Variants in GABRB2 observed in about 807,000 individuals in gnomAD.
The protein encoded by GABRB2 is gamma-aminobutyric acid receptor subunit beta-2.
In GABRB2, 16 loss-of-function variants were observed where a neutral mutation model predicts 54.7. The observed-to-expected ratio is 0.29, with a 90% CI of 0.20 to 0.44. GABRB2 has a LOEUF of 0.44. Among genes scored for constraint, GABRB2 ranks in the 20% least tolerant of loss-of-function variants. GABRB2 has a pLI of 1.00. For synonymous variants in GABRB2, 244 were observed against 233.8 expected, an observed-to-expected ratio of 1.04 and a Z score of -0.40; for missense variants, 355 against 644.0, an observed-to-expected ratio of 0.55 and a Z score of 4.86.
chr5:161,332,572 A>G (rs1252192779), intron 7 of GABRB2, among the ~76,000 whole-genome samples: 1 of 152,198 alleles, frequency 6.6e-6, no homozygotes, highest in Non-Finnish European at 1.5e-5. Context: ...TGAATATGAT[A>G]AAGTCCAGCT....
intron 9 of GABRB2, among the ~76,000 whole-genome samples, chr5:161,312,549 C>T (rs187012640): frequency 1.8e-4 from 28 of 152,206 alleles, no homozygotes; most frequent in Non-Finnish European, 2.4e-4. Context: ...CAAAAAATAC[C>T]TGGATTCAAA....
In GABRB2 at chr5:161,532,282, G is replaced by A. The variant is rs1010777011; in HGVS notation, c.237+12945C>T. On this transcript the variant is annotated intron_variant, in intron 3 of 9. Transcript: ENST00000393959. ...TGTGTGTATATGTATGCGTGTGTCTGTATTACCCACTCAGTCAGTCCACTT... is the reference window on the plus strand; with the variant it reads ...TGTGTGTATATGTATGCGTGTGTCTATATTACCCACTCAGTCAGTCCACTT... 9.2e-5 allele frequency among the ~76,000 whole-genome samples: 14 copies of A among 152,174 alleles called. 1 individual carries two copies. Among genetic ancestry groups the A allele is most frequent in the African/African-American group, 3.1e-4 (13 of 41,532 alleles).
At position 161,406,245 on chromosome 5, in the gene GABRB2, A is replaced by G. The variant is rs1319565803; in HGVS notation, c.541+4730T>C. ...CCATCTTTGGATTTTGAAGCTAGCT[A>G]TTAATTATTTTCCCTACAAAGTAAA... On this transcript the variant is annotated intron_variant, in intron 5 of 9. Coordinates refer to ENST00000393959, the MANE Select transcript of GABRB2 (RefSeq NM_001371727.1). 4.7e-4 allele frequency among the ~76,000 whole-genome samples: 71 copies of G among 152,132 alleles called. 2 individuals are homozygous for G. The highest frequency in any genetic ancestry group is 4.7e-3 in the Admixed American group (71 of 15,244).
chr5:161,511,784 G>A (rs1759776659), intron 3 of GABRB2, among the ~76,000 whole-genome samples: 1 of 151,994 alleles, frequency 6.6e-6, no homozygotes, highest in East Asian at 1.9e-4. Context: ...TCTTCATATT[G>A]TCTTCCCATT....
intron 5 of GABRB2, among the ~76,000 whole-genome samples, chr5:161,367,056 T>C (rs1754992425): frequency 6.6e-6 from 1 of 152,194 alleles, no homozygotes; most frequent in African/African-American, 2.4e-5. Context: ...AATTCAGATA[T>C]TGCTCTAAGA....
intron 8 of GABRB2, chr5:161,329,626 A>G (rs1261992623): frequency 6.6e-6 from 1 of 152,218 alleles, no homozygotes; most frequent in Admixed American, 6.5e-5. Context: ...ATACTTTGCT[A>G]TCCTTGAAAT....
intron 3 of GABRB2, among the ~76,000 whole-genome samples, chr5:161,498,064 A>G (rs544843176): frequency 1.3e-5 from 2 of 152,300 alleles, no homozygotes; most frequent in East Asian, 3.9e-4. Context: ...ATTTTTGTTG[A>G]AAAGCTAACA....
intron 3 of GABRB2, among the ~76,000 whole-genome samples, chr5:161,519,870 G>C (rs1250041224): frequency 3.3e-5 from 5 of 152,006 alleles, no homozygotes; most frequent in Admixed American, 6.6e-5. Context: ...GTAAGTCTAA[G>C]AAATCATTTC....
chr5:161,372,329 C>A (rs144476336), intron 5 of GABRB2, among the ~76,000 whole-genome samples: 1 of 152,268 alleles, frequency 6.6e-6, no homozygotes, highest in African/African-American at 2.4e-5. Flanking sequence ...TGGTGCCTGC[C>A]CTCTTTAGGA....
intron 5 of GABRB2, among the ~76,000 whole-genome samples, chr5:161,370,053 T>A (rs932834308): frequency 4.6e-5 from 7 of 152,140 alleles, no homozygotes; most frequent in Non-Finnish European, 1.0e-4. Context: ...AAGTTCAGTA[T>A]GATGAAACTT....
chr5:161,454,225 C>T (rs1757881266), intron 4 of GABRB2, among the ~76,000 whole-genome samples: 2 of 152,134 alleles, frequency 1.3e-5, no homozygotes, highest in South Asian at 4.2e-4. Context: ...AGGCGCTTGC[C>T]TTGGGGATTG....
intron 3 of GABRB2, among the ~76,000 whole-genome samples, chr5:161,473,785 A>T (rs1758513959): frequency 1.3e-5 from 2 of 151,986 alleles, no homozygotes; most frequent in South Asian, 4.1e-4. Context: ...GCTAAGTGGC[A>T]CCTCAGTATT....
intron 5 of GABRB2, among the ~76,000 whole-genome samples, chr5:161,374,155 G>A (rs994154157): frequency 6.6e-6 from 1 of 152,016 alleles, no homozygotes; most frequent in South Asian, 2.1e-4. Context: ...TGTTGGTCAG[G>A]CTGGTCTCGA....
intron 5 of GABRB2, among the ~76,000 whole-genome samples, chr5:161,404,060 A>G (rs2113091060): frequency 6.6e-6 from 1 of 152,254 alleles, no homozygotes; most frequent in Middle Eastern, 3.4e-3. Context: ...CTAATATTGG[A>G]AAAATTGAAA....
chr5:161,497,242 T>C (rs1759280112), intron 3 of GABRB2, among the ~76,000 whole-genome samples: 2 of 152,094 alleles, frequency 1.3e-5, no homozygotes, highest in Admixed American at 1.3e-4. Context: ...GGCAGCAGTG[T>C]CCCTTAGAAA....
intron 3 of GABRB2, among the ~76,000 whole-genome samples, chr5:161,500,695 A>G (rs1759405267): frequency 6.6e-6 from 1 of 152,194 alleles, no homozygotes; most frequent in African/African-American, 2.4e-5. Flanking sequence ...ATTTCATTGC[A>G]GGGAGATTAT....
At chr5:161,311,312 A>G (rs1757862149) in intron 9 of GABRB2, among the ~76,000 whole-genome samples, 1 of 152,220 alleles carries the variant, frequency 6.6e-6, no homozygotes, top group Non-Finnish European at 1.5e-5. Context: ...ATTGGATTCT[A>G]TGGCTGCCAA....
intron 4 of GABRB2, among the ~76,000 whole-genome samples, chr5:161,444,206 T>G (rs182802873): frequency 6.6e-6 from 1 of 152,200 alleles, no homozygotes. Flanking sequence ...CTCTGAAGGA[T>G]AGGCAAGATA....
At chr5:161,518,010 G>A (rs553893683) in intron 3 of GABRB2, among the ~76,000 whole-genome samples, 27 of 152,108 alleles carry the variant, frequency 1.8e-4, no homozygotes, top group East Asian at 5.8e-4. Flanking sequence ...GGGTTTCCCC[G>A]TGTTACTCAG....
Sources: allele counts gnomAD v4.1 joint callset (sites outside exome capture counted in the v4.1 genomes callset), GRCh38; gene constraint gnomAD v4.1.1; transcripts MANE v1.5; gene names NCBI Gene and HGNC (gene_info 2026-07-23, HGNC 2026-07-21).